Variants in SFMBT1 observed in about 807,000 individuals in gnomAD.
SFMBT1 encodes the protein scm-like with four MBT domains protein 1.
SFMBT1 carries 32 observed loss-of-function variants against 108.7 expected under a neutral mutation model. The observed-to-expected ratio is 0.29, with a 90% confidence interval of 0.22 to 0.40. The LOEUF (loss-of-function observed/expected upper bound fraction) is 0.40, where lower values mean the gene tolerates loss of function less well. SFMBT1 is among the 10% of genes least tolerant of loss of function. SFMBT1 has a pLI of 1.00. For synonymous variants in SFMBT1, 348 were observed against 369.5 expected, an observed-to-expected ratio of 0.94 and a Z score of 0.67; for missense variants, 816 against 1,059.6, an observed-to-expected ratio of 0.77 and a Z score of 3.19.
intron 4 of SFMBT1, among the ~76,000 whole-genome samples, chr3:52,935,531 C>T (rs1702980365): frequency 1.3e-5 from 2 of 152,198 alleles, no homozygotes; most frequent in African/African-American, 2.4e-5. Context: ...TCACACTCCA[C>T]CCATGCCCAA....
rs1702202399 is a variant in SFMBT1 at position 52,911,042 on chromosome 3, A to G, written c.1867T>C (p.Cys623Arg). Residue 623 changes from cysteine to arginine, a missense_variant, in exon 17 of 21, where the codon TGT (cysteine) becomes CGT (arginine). Cys to Arg is a radical substitution (Grantham distance 180). Transcript: ENST00000394752. ...LFGPRMVLDK[C>R]SENCSVLTKT... The stretch of plus-strand genomic sequence containing the variant: ...GTAAGTACAGAACAGTTCTCAGAAC[A>G]CTTATCCAGAACCATCCGTGGACCG... 1 of 1,614,100 alleles carries G rather than the reference A, an allele frequency of 6.2e-7. No homozygotes were observed. The highest frequency in any genetic ancestry group is 1.7e-5 in the Admixed American group (1 of 60,008).
At chr3:52,945,136 T>TAAAAAAAAAAAATAAAAAAAAAA (rs1553636663) in intron 3 of SFMBT1, among the ~76,000 whole-genome samples, 1 of 48,512 alleles carries the variant, frequency 2.1e-5, no homozygotes, top group Admixed American at 2.1e-4. Context: ...ACCTTCCAAT[T>TAAAAAAAAAAAATAAAAAAAAAA]AAAAAAAAAA....
At chr3:53,005,115 A>G (rs187564505) in intron 1 of SFMBT1, among the ~76,000 whole-genome samples, 9 of 152,332 alleles carry the variant, frequency 5.9e-5, no homozygotes, top group African/African-American at 2.2e-4. Flanking sequence ...ATCAAACAGC[A>G]AAAACTTATT....
chr3:52,994,539 G>A (rs1251111782), intron 1 of SFMBT1, among the ~76,000 whole-genome samples: 2 of 150,346 alleles, frequency 1.3e-5, no homozygotes, highest in African/African-American at 4.8e-5. Context: ...TCGCTCTGTG[G>A]CCCAGGCTGG....
intron 1 of SFMBT1, among the ~76,000 whole-genome samples, chr3:53,022,180 T>TGC (rs1699333158): frequency 6.6e-6 from 1 of 152,164 alleles, no homozygotes; most frequent in African/African-American, 2.4e-5. Context: ...CTGGGTGCGG[T>TGC]GGTTCACACC....
chr3:52,968,261 T>A (rs1224489734), intron 2 of SFMBT1, among the ~76,000 whole-genome samples: 1 of 152,192 alleles, frequency 6.6e-6, no homozygotes, highest in Non-Finnish European at 1.5e-5. Flanking sequence ...AATTAACAGT[T>A]GCCTGGGATT....
intron 1 of SFMBT1, among the ~76,000 whole-genome samples, chr3:53,042,477 C>T (rs1449315700): frequency 6.6e-6 from 1 of 152,074 alleles, no homozygotes; most frequent in Non-Finnish European, 1.5e-5. Flanking sequence ...AGAGCTGGGA[C>T]TATAGGTGCC....
At chr3:52,979,936 T>G (rs1321290415) in intron 1 of SFMBT1, among the ~76,000 whole-genome samples, 1 of 152,210 alleles carries the variant, frequency 6.6e-6, no homozygotes, top group East Asian at 1.9e-4. Flanking sequence ...TGGGTCCACT[T>G]ACAGATTTTT....
At chr3:52,961,802 C>T (rs1248508165) in intron 2 of SFMBT1, among the ~76,000 whole-genome samples, 2 of 152,104 alleles carry the variant, frequency 1.3e-5, no homozygotes, top group Non-Finnish European at 2.9e-5. Context: ...ATTTACATTA[C>T]TAAAACTTAA....
intron 8 of SFMBT1, 66 bp from the exon 9 acceptor site, chr3:52,928,407 C>T: frequency 2.0e-6 from 3 of 1,533,912 alleles, no homozygotes; most frequent in Non-Finnish European, 2.6e-6. Context: ...CTCCTTGGCA[C>T]AGCCAAACAT....
At chr3:53,024,577 A>G (rs1009162585) in intron 1 of SFMBT1, among the ~76,000 whole-genome samples, 7 of 152,248 alleles carry the variant, frequency 4.6e-5, no homozygotes, top group Admixed American at 3.9e-4. Context: ...TGTCAACAAC[A>G]GACTGCAAGG....
intron 6 of SFMBT1, 24 bp from the exon 7 acceptor site, chr3:52,931,059 CT>C (rs753467739): frequency 1.9e-6 from 3 of 1,585,726 alleles, no homozygotes; most frequent in South Asian, 2.2e-5. Flanking sequence ...TGACAACATG[CT>C]TTAGATGATG....
chr3:53,042,101 C>T (rs762849876), intron 1 of SFMBT1, among the ~76,000 whole-genome samples: 4 of 152,088 alleles, frequency 2.6e-5, no homozygotes, highest in Non-Finnish European at 4.4e-5. Flanking sequence ...TGTAAAATGT[C>T]TGCCTAAATA....
intron 1 of SFMBT1, among the ~76,000 whole-genome samples, chr3:52,969,904 A>G (rs961025023): frequency 3.3e-5 from 5 of 152,064 alleles, no homozygotes; most frequent in African/African-American, 4.8e-5. Flanking sequence ...GGAGTTTGGG[A>G]CCAGCCTGGG....
intron 4 of SFMBT1, among the ~76,000 whole-genome samples, chr3:52,940,548 T>A (rs1175211170): frequency 6.6e-6 from 1 of 152,108 alleles, no homozygotes; most frequent in Non-Finnish European, 1.5e-5. Flanking sequence ...CATATACACA[T>A]ACATACATAA....
At chr3:52,945,676 G>A (rs574305613) in intron 3 of SFMBT1, among the ~76,000 whole-genome samples, 8 of 151,858 alleles carry the variant, frequency 5.3e-5, no homozygotes, top group South Asian at 2.1e-4. Flanking sequence ...GCATGGTGGC[G>A]GGCGCCTGTA....
At chr3:53,025,527 G>A (rs1363621053) in intron 1 of SFMBT1, among the ~76,000 whole-genome samples, 1 of 152,036 alleles carries the variant, frequency 6.6e-6, no homozygotes, top group Non-Finnish European at 1.5e-5. Context: ...TGAGGTGAGA[G>A]GTCACTTGCG....
intron 2 of SFMBT1, among the ~76,000 whole-genome samples, chr3:52,965,958 A>G (rs1295699984): frequency 2.8e-5 from 3 of 106,892 alleles, no homozygotes; most frequent in Non-Finnish European, 5.5e-5. Flanking sequence ...GTGAGCCGAG[A>G]TCCCGCCACT....
Position 52,908,254 on chromosome 3 carries a change from A to G in SFMBT1, c.1907-521T>C, listed in dbSNP as rs914616289. Among the ~76,000 whole-genome samples the G allele has an allele frequency of 1.8e-4, 27 of 151,422 alleles. 1 individual carries two copies. The East Asian group carries it at 5.1e-3, about 29-fold the overall frequency. On this transcript the variant is annotated intron_variant, in intron 17 of 20. Transcript: ENST00000394752. The stretch of plus-strand genomic sequence containing the variant: ...ATGCCCGGCTAATTTTTATACTTTT[A>G]GTAGAGACGGGGTTTCACCATGTTG...
Sources: allele counts gnomAD v4.1 joint callset (sites outside exome capture counted in the v4.1 genomes callset), GRCh38; gene constraint gnomAD v4.1.1; transcripts MANE v1.5; gene names NCBI Gene and HGNC (gene_info 2026-07-23, HGNC 2026-07-21).